LIN54: variants seen among roughly 807,000 people sequenced by gnomAD.
LIN54 encodes protein lin-54 homolog.
A neutral mutation model predicts 78.7 loss-of-function variants in LIN54; 9 were observed. That is an observed-to-expected ratio of 0.11 (90% CI 0.07 to 0.20). The LOEUF is 0.20. Among genes scored for constraint, LIN54 ranks in the 10% least tolerant of loss-of-function variants. The probability of loss-of-function intolerance (pLI) is 1.00; values close to 1 mark genes in which losing one functional copy is unlikely to be tolerated. For synonymous variants in LIN54, 269 were observed against 318.4 expected (o/e 0.84, Z 1.65); for missense variants, 573 against 889.9 (o/e 0.64, Z 4.53).
In LIN54 at chr4:83,006,485, T is replaced by C. The variant is rs986746557; in HGVS notation, c.-33+3999A>G. ...AAAAGAAAAAAAAAAAGAAAAACTATTGGATACTATGCTCGGTGCCTGGGT... is the reference window on the plus strand; with the variant it reads ...AAAAGAAAAAAAAAAAGAAAAACTACTGGATACTATGCTCGGTGCCTGGGT... On this transcript the variant is annotated intron_variant, in intron 1 of 12. Transcript: ENST00000340417. Among the ~76,000 whole-genome samples, 7 of 150,844 alleles carry C rather than the reference T, an allele frequency of 4.6e-5. No individual in the cohort carries two copies. In the East Asian group the frequency reaches 5.8e-4, roughly 13 times the overall value.
chr4:82,928,577 T>C (rs1721676849), intron 12 of LIN54, among the ~76,000 whole-genome samples: 2 of 152,180 alleles, frequency 1.3e-5, no homozygotes, highest in African/African-American at 4.8e-5. Flanking sequence ...AACTAAAAGA[T>C]AATAGTCTAC....
chr4:82,965,652 A>G (rs60108130), intron 4 of LIN54, among the ~76,000 whole-genome samples: 40,745 of 152,128 alleles, frequency 0.27, 5,814 homozygotes, highest in East Asian at 0.52. Flanking sequence ...CAGAAAAGGC[A>G]CAGTGGAAGG....
chr4:82,927,663 T>C lies in LIN54; in HGVS notation c.*439A>G, dbSNP rs575592680. On this transcript the variant is annotated 3_prime_UTR_variant, in exon 13 of 13. Coordinates refer to ENST00000340417, the MANE Select transcript of LIN54 (RefSeq NM_194282.4). ...CAAAATGTCATTTGAATGTGTTTCA[T>C]AAGAATTTGTTTATGTAACATTCTG... is the stretch of plus-strand genomic sequence containing the variant. 2 of 154,704 alleles carry C rather than the reference T, an allele frequency of 1.3e-5. No homozygotes were observed. Among genetic ancestry groups the C allele is most frequent in the African/African-American group, 4.8e-5 (2 of 41,624 alleles). 9.6% of individuals were successfully genotyped at this position (154,704 alleles called of 1,614,324 possible). A position where few individuals can be genotyped will look rare whatever the true frequency, so the allele number is the denominator to read the frequency against.
intron 11 of LIN54, among the ~76,000 whole-genome samples, chr4:82,934,210 C>A (rs1464749552): frequency 6.6e-6 from 1 of 152,058 alleles, no homozygotes; most frequent in Non-Finnish European, 1.5e-5. Flanking sequence ...AGCAACCGGG[C>A]CAACGTGGTG....
intron 9 of LIN54, among the ~76,000 whole-genome samples, chr4:82,936,653 A>T (rs1223456531): frequency 6.9e-6 from 1 of 144,092 alleles, no homozygotes; most frequent in African/African-American, 2.6e-5. Flanking sequence ...ACACATATAA[A>T]TTATATAAAT....
chr4:82,929,294 TTTG>T (rs1023006571), intron 12 of LIN54, among the ~76,000 whole-genome samples: 7 of 152,158 alleles, frequency 4.6e-5, no homozygotes, highest in African/African-American at 1.7e-4. Context: ...ATTTTATAAT[TTTG>T]TTTTCATATT....
chr4:83,001,982 G>A (rs13127626), intron 1 of LIN54, among the ~76,000 whole-genome samples: 1,349 of 1,926 alleles, frequency 0.7, 588 homozygotes, highest in Middle Eastern at 1. Flanking sequence ...AAGGAAGGGA[G>A]GGATCTTGGA....
chr4:82,930,818 T>C, intron 12 of LIN54, 125 bp downstream of exon 12: 1 of 789,686 alleles, frequency 1.3e-6, no homozygotes, highest in Admixed American at 2.6e-5. Context: ...TAACTAAAGA[T>C]GGAAAGAAAA....
chr4:82,936,451 C>T lies in LIN54; in HGVS notation c.1605-70G>A, dbSNP rs1722398991. On this transcript the variant is annotated intron_variant, in intron 9 of 12. Coordinates refer to ENST00000340417, the MANE Select transcript of LIN54 (RefSeq NM_194282.4). ...AAAACTAATTATCTGATTATGCATA[C>T]ATTGTATATATATTGTACACATACT... 8.0e-6 allele frequency: 6 copies of T among 749,372 alleles called. No homozygotes were observed. In the East Asian group the frequency reaches 1.6e-4, roughly 20 times the overall value. The allele number at this position is 749,372 out of a possible 1,614,324, so 46.4% of individuals were successfully genotyped here. A position where few individuals can be genotyped will look rare whatever the true frequency, so the allele number is the denominator to read the frequency against.
intron 3 of LIN54, among the ~76,000 whole-genome samples, chr4:82,973,036 T>C (rs536705492): frequency 1.3e-5 from 2 of 151,936 alleles, no homozygotes; most frequent in South Asian, 4.2e-4. Context: ...TTGATGTTAA[T>C]TCACTTAAAA....
At chr4:82,936,216 G>T in intron 10 of LIN54, 63 bp downstream of exon 10, 1 of 1,542,474 alleles carries the variant, frequency 6.5e-7, no homozygotes, top group South Asian at 1.1e-5. Flanking sequence ...CAAGACAATT[G>T]AGTTTTATAA....
In LIN54 at chr4:82,924,630, TAAAA is replaced by T. The variant is rs931388496; in HGVS notation, c.*3468_*3471del. On this transcript the variant is annotated 3_prime_UTR_variant, in exon 13 of 13. Transcript: ENST00000340417. ...TGCCATTTAGAAGGAAATTTTTAAT[TAAAA>T]AAAACCTTATAGCTTTCAACTCATA... is the stretch of plus-strand genomic sequence containing the variant. The T allele has an allele frequency of 1.3e-5, 2 of 151,774 alleles. No homozygotes were observed. Among genetic ancestry groups the T allele is most frequent in the African/African-American group, 4.8e-5 (2 of 41,316 alleles). 9.4% of individuals were successfully genotyped at this position (151,774 alleles called of 1,614,324 possible).
chr4:83,011,484 G>T (rs371583170), upstream of LIN54, among the ~76,000 whole-genome samples: 11 of 151,908 alleles, frequency 7.2e-5, no homozygotes, highest in African/African-American at 2.7e-4. Context: ...TGAAATGATT[G>T]AACTAATTGT....
At position 82,939,519 on chromosome 4, in the gene LIN54, A is replaced by G. The variant is rs749729922; in HGVS notation, c.1440+20T>C. Reference sequence around the variant, plus strand: ...CCATTATCACTTTTGCAATACAATGACTTCATTTTTTCCACATACCTGAGT... The same window carrying G: ...CCATTATCACTTTTGCAATACAATGGCTTCATTTTTTCCACATACCTGAGT... On this transcript the variant is annotated intron_variant, in intron 7 of 12. Transcript: ENST00000340417. 3.8e-6 allele frequency: 6 copies of G among 1,597,416 alleles called. No individual in the cohort carries two copies. The South Asian group carries it at 6.6e-5, about 18-fold the overall frequency.
chr4:82,945,774 G>A (rs1199417981), intron 5 of LIN54, among the ~76,000 whole-genome samples: 2 of 152,194 alleles, frequency 1.3e-5, no homozygotes, highest in African/African-American at 4.8e-5. Context: ...GATTACAGGT[G>A]TGAGCCACCG....
At chr4:82,998,510 C>G (rs576379673) in intron 1 of LIN54, among the ~76,000 whole-genome samples, 4 of 86,320 alleles carry the variant, frequency 4.6e-5, no homozygotes, top group Non-Finnish European at 1.0e-4. Flanking sequence ...AGCTCCAACT[C>G]GGGCGACGGT....
At chr4:82,991,371 T>C (rs998493320) in intron 1 of LIN54, among the ~76,000 whole-genome samples, 1 of 152,204 alleles carries the variant, frequency 6.6e-6, no homozygotes, top group Non-Finnish European at 1.5e-5. Flanking sequence ...GATTTTTGTA[T>C]ATTGTCCATG....
At chr4:83,001,723 C>A (rs1728790931) in intron 1 of LIN54, among the ~76,000 whole-genome samples, 1 of 148,726 alleles carries the variant, frequency 6.7e-6, no homozygotes. Context: ...TGGCGGGCGC[C>A]TGTTGTCCCA....
chr4:82,963,606 C>A (rs1724974619), intron 4 of LIN54, among the ~76,000 whole-genome samples: 1 of 151,760 alleles, frequency 6.6e-6, no homozygotes, highest in South Asian at 2.1e-4. Context: ...AAGTTTCTTA[C>A]CCTACATTAA....
Sources: allele counts gnomAD v4.1 joint callset (sites outside exome capture counted in the v4.1 genomes callset), GRCh38; gene constraint gnomAD v4.1.1; transcripts MANE v1.5; gene names NCBI Gene and HGNC (gene_info 2026-07-23, HGNC 2026-07-21).